The following AMMECR1 variants were observed in gnomAD, a reference collection of about 807,000 sequenced individuals.
AMMECR1 encodes the protein AMMECR nuclear protein 1.
Under a neutral mutation model 22.5 loss-of-function variants are expected in AMMECR1, and 3 were observed. That is an observed-to-expected ratio of 0.13 (90% CI 0.06 to 0.35). The LOEUF (loss-of-function observed/expected upper bound fraction) is 0.35. Ranked by LOEUF, AMMECR1 falls within the 10% of genes least tolerant of loss-of-function variation. The probability of loss-of-function intolerance (pLI) is 1.00; values close to 1 mark genes in which losing one functional copy is unlikely to be tolerated. For missense variants in AMMECR1, 235 were observed against 278.7 expected, an observed-to-expected ratio of 0.84 and a Z score of 1.12; for synonymous variants, 130 against 116.7, an observed-to-expected ratio of 1.11 and a Z score of -0.74.
intron 3 of AMMECR1, among the ~76,000 whole-genome samples, chrX:110,214,981 T>C (rs777157884): frequency 3.2e-4 from 36 of 111,273 alleles, no homozygotes; most frequent in African/African-American, 1.1e-3. Context: ...GGGAACATGA[T>C]TTGGGGCTGT....
At chrX:110,248,325 G>A (rs1431904515) in intron 2 of AMMECR1, among the ~76,000 whole-genome samples, 1 of 110,892 alleles carries the variant, frequency 9.0e-6, no homozygotes, top group Non-Finnish European at 1.9e-5. Flanking sequence ...GGTTGAGGCT[G>A]CAATGAGCTG....
upstream of AMMECR1, among the ~76,000 whole-genome samples, chrX:110,322,326 G>C (rs2068082088): frequency 8.9e-6 from 1 of 112,043 alleles, no homozygotes; most frequent in Admixed American, 9.4e-5. Context: ...ATTTGGGGCA[G>C]TTAGAGGAGT....
chrX:110,296,699 T>C (rs1468868545), intron 1 of AMMECR1, among the ~76,000 whole-genome samples: 2 of 111,804 alleles, frequency 1.8e-5, no homozygotes, highest in Non-Finnish European at 3.8e-5. Flanking sequence ...CTCCAGATTT[T>C]CTATTTGGTT....
At chrX:110,245,057 G>A (rs2067651839) in intron 2 of AMMECR1, among the ~76,000 whole-genome samples, 2 of 111,739 alleles carry the variant, frequency 1.8e-5, no homozygotes, top group African/African-American at 6.5e-5. Flanking sequence ...TATAAAGAGG[G>A]CAATAGTAAG....
chrX:110,225,481 G>C (rs1406370226), intron 2 of AMMECR1, among the ~76,000 whole-genome samples: 1 of 112,099 alleles, frequency 8.9e-6, no homozygotes, highest in Non-Finnish European at 1.9e-5. Context: ...ACACACAATA[G>C]TCAAACAGCT....
chrX:110,303,877 AT>A (rs1467433279), intron 1 of AMMECR1, among the ~76,000 whole-genome samples: 5 of 112,033 alleles, frequency 4.5e-5, no homozygotes, highest in Non-Finnish European at 9.4e-5. Flanking sequence ...TTGGAAAATA[AT>A]TTTCTTATAT....
chrX:110,436,974 C>G (rs900769300), intron 1 of AMMECR1, among the ~76,000 whole-genome samples: 4 of 112,033 alleles, frequency 3.6e-5, no homozygotes, highest in Non-Finnish European at 3.8e-5. Flanking sequence ...CCTTCTGGAC[C>G]CTGATCTCCC....
At position 110,389,963 on chromosome X, in the gene AMMECR1, C is replaced by T. The variant is rs190112322; in HGVS notation, c.-148+36695G>A. ...TATTTCACCAAGGACAGAGTCAGCT[C>T]GCTTGTTTACCACAGAGTATTGGAA... is the stretch of plus-strand genomic sequence containing the variant. On this transcript the variant is annotated intron_variant, in intron 2 of 7. Transcript: ENST00000372057. Among the ~76,000 whole-genome samples, 521 of 111,652 alleles carry T rather than the reference C, an allele frequency of 4.7e-3. 3 individuals carry two copies. Among genetic ancestry groups the T allele is most frequent in the African/African-American group, 0.016 (487 of 30,731 alleles).
chrX:110,200,421 G>C lies in AMMECR1; in HGVS notation c.887+533C>G, dbSNP rs769036143. Among the ~76,000 whole-genome samples, 4 of 111,976 alleles carry C rather than the reference G, an allele frequency of 3.6e-5. No individual in the cohort carries two copies. In the Admixed American group the frequency reaches 3.8e-4, roughly 11 times the overall value. ...TAGTTTTATGGAATTGAAATAAATG[G>C]AACCAGCAGCCCATTTTCCTAAAAT... On this transcript the variant is annotated intron_variant, in intron 5 of 5. Coordinates refer to ENST00000262844, the MANE Select transcript of AMMECR1 (RefSeq NM_015365.3).
chrX:110,365,957 G>A (rs1227056488), intron 2 of AMMECR1, among the ~76,000 whole-genome samples: 1 of 111,593 alleles, frequency 9.0e-6, no homozygotes, highest in African/African-American at 3.3e-5. Flanking sequence ...ATGAAAACTA[G>A]GGAATTAGCT....
At chrX:110,249,158 G>A (rs1285971414) in intron 2 of AMMECR1, among the ~76,000 whole-genome samples, 2 of 111,369 alleles carry the variant, frequency 1.8e-5, no homozygotes, top group East Asian at 5.6e-4. Context: ...ATGGACTAGG[G>A]GTATAAGGGA....
At chrX:110,315,947 T>G (rs907860909) in intron 1 of AMMECR1, among the ~76,000 whole-genome samples, 11 of 112,579 alleles carry the variant, frequency 9.8e-5, no homozygotes, top group Admixed American at 9.4e-5. Flanking sequence ...CAAAATGAAT[T>G]TTACTTCTTA....
intron 2 of AMMECR1, among the ~76,000 whole-genome samples, chrX:110,415,355 G>A (rs974954848): frequency 8.9e-6 from 1 of 112,574 alleles, no homozygotes; most frequent in East Asian, 2.8e-4. Context: ...TCTGCACATG[G>A]ATAAAGACTG....
rs7879645 is a variant in AMMECR1, at chrX:110,200,911, A to T, written c.887+43T>A. The T allele has an allele frequency of 6.1e-3, 6,152 of 1,008,455 alleles. 219 individuals carry two copies. The African/African-American group carries it at 0.1, about 17-fold the overall frequency. The allele number at this position is 1,008,455 out of a possible 1,213,427, so 83.1% of individuals were successfully genotyped here. On this transcript the variant is annotated intron_variant, in intron 5 of 5. Coordinates refer to ENST00000262844, the MANE Select transcript of AMMECR1 (RefSeq NM_015365.3). ...TCAAAGGGTTATAGGCATACACATC[A>T]AAATGTACAGGTTAGCCTTGTGCTA... is the stretch of plus-strand genomic sequence containing the variant.
intron 2 of AMMECR1, among the ~76,000 whole-genome samples, chrX:110,387,134 A>G (rs1234788367): frequency 8.9e-6 from 1 of 111,857 alleles, no homozygotes; most frequent in Non-Finnish European, 1.9e-5. Flanking sequence ...AAAGACTTGG[A>G]GAGAAAAAAA....
intron 3 of AMMECR1, among the ~76,000 whole-genome samples, chrX:110,211,307 TC>T (rs1270233206): frequency 8.9e-6 from 1 of 112,401 alleles, no homozygotes; most frequent in African/African-American, 3.2e-5. Context: ...TACGAATTCT[TC>T]TACAAACAAA....
At chrX:110,367,805 TA>T (rs1470096373) in intron 2 of AMMECR1, among the ~76,000 whole-genome samples, 6 of 109,750 alleles carry the variant, frequency 5.5e-5, no homozygotes, top group Admixed American at 2.0e-4. Context: ...TTCAGCTGAA[TA>T]GTTAAAAATT....
intron 2 of AMMECR1, among the ~76,000 whole-genome samples, chrX:110,356,481 A>AT (rs2068231073): frequency 9.0e-6 from 1 of 110,920 alleles, no homozygotes; most frequent in African/African-American, 3.3e-5. Context: ...TTAGTGATGT[A>AT]TTGCACTACA....
intron 1 of AMMECR1, among the ~76,000 whole-genome samples, chrX:110,293,398 G>T (rs2067918867): frequency 9.0e-6 from 1 of 111,459 alleles, no homozygotes; most frequent in Non-Finnish European, 1.9e-5. Context: ...GAAGGTCCAG[G>T]GATCATGGGA....
Sources: gnomAD v4.1 joint callset for allele counts (sites outside exome capture counted in the v4.1 genomes callset) on GRCh38, gnomAD v4.1.1 for gene constraint, MANE v1.5 for transcripts, NCBI Gene and HGNC (gene_info 2026-07-23, HGNC 2026-07-21) for gene names.